ZNF493: variants seen among roughly 807,000 people sequenced by gnomAD.
ZNF493 encodes the protein zinc finger protein 493.
In ZNF493, 11 loss-of-function variants were observed where a neutral mutation model predicts 12.2. The ratio of observed to expected loss-of-function variants is 0.90; its 90% CI spans 0.57 to 1.50. The LOEUF (loss-of-function observed/expected upper bound fraction) is 1.50. Among genes scored for constraint, ZNF493 ranks in the 40% most tolerant of loss-of-function variants. The pLI is 0.00. For missense variants in ZNF493, 950 were observed against 906.6 expected (o/e 1.05, Z -0.61); for synonymous variants, 286 against 302.6 (o/e 0.95, Z 0.57).
chr19:21,422,334 C>T lies in ZNF493; in HGVS notation c.254-579C>T, dbSNP rs554492537. Among the ~76,000 whole-genome samples, 106 of 151,154 alleles carry T rather than the reference C, an allele frequency of 7.0e-4. 4 individuals are homozygous for T. The South Asian group carries it at 0.022, about 31-fold the overall frequency. ...AGACAGAAGCCAGTGTGTGGAAAGG[C>T]CTGGACAAGCAAGTAATAAAGAAAT... is the stretch of plus-strand genomic sequence containing the variant. On this transcript the variant is annotated intron_variant, in intron 3 of 3. Coordinates refer to ENST00000392288, the MANE Select transcript of ZNF493 (RefSeq NM_001076678.3).
chr19:21,424,743 A>T lies in ZNF493; in HGVS notation c.2084A>T (p.Tyr695Phe). The T allele has an allele frequency of 6.2e-7, 1 of 1,612,974 alleles. No individual in the cohort carries two copies. Among genetic ancestry groups the T allele is most frequent in the Non-Finnish European group, 8.5e-7 (1 of 1,179,502 alleles). Residue 695 changes from tyrosine to phenylalanine, a missense_variant, in exon 4 of 4, where the codon TAC becomes TTC. Coordinates refer to ENST00000392288, the MANE Select transcript of ZNF493 (RefSeq NM_001076678.3). Reference sequence around the variant, plus strand: ...TGTGAAAAATGTGGCAAAACTTTCTACCGATTCTCAAACCTTAATACGCAT... The same window carrying T: ...TGTGAAAAATGTGGCAAAACTTTCTTCCGATTCTCAAACCTTAATACGCAT... ...YKCEKCGKTF[Y>F]RFSNLNTHKI...
rs776335673 is a variant in ZNF493, at chr19:21,423,827, T to C, written c.1168T>C (p.Ser390Pro). 6.2e-7 allele frequency: 1 copy of C among 1,613,332 alleles called. No homozygotes were observed. The highest frequency in any genetic ancestry group is 2.2e-5 in the East Asian group (1 of 44,768). Residue 390 changes from serine (S) to proline (P), a missense_variant, in exon 4 of 4, where the codon TCA (serine) becomes CCA (proline). Transcript: ENST00000392288. ...EECGKAFSIF[S>P]TLTKHKIIHT... ...ATGTGGCAAAGCCTTTAGTATTTTC[T>C]CAACCCTTACTAAACATAAGATAAT...
intron 3 of ZNF493, among the ~76,000 whole-genome samples, chr19:21,418,353 G>T (rs542625015): frequency 1.3e-5 from 2 of 152,238 alleles, no homozygotes; most frequent in South Asian, 4.2e-4. Context: ...TTCCAAGGTG[G>T]AATGAACCAC....
intron 3 of ZNF493, among the ~76,000 whole-genome samples, chr19:21,406,647 T>C (rs2030140959): frequency 6.6e-6 from 1 of 152,212 alleles, no homozygotes; most frequent in Non-Finnish European, 1.5e-5. Flanking sequence ...TTGGTTTTTA[T>C]GTTAATTTTC....
At chr19:21,412,718 G>A in intron 3 of ZNF493, 1 of 242,166 alleles carries the variant, frequency 4.1e-6, no homozygotes, top group Non-Finnish European at 8.2e-6. Flanking sequence ...TCTGTCTGCA[G>A]CTCCATTAAG....
At chr19:21,415,112 G>T (rs535939530) in intron 3 of ZNF493, among the ~76,000 whole-genome samples, 1 of 152,244 alleles carries the variant, frequency 6.6e-6, no homozygotes, top group South Asian at 2.1e-4. Flanking sequence ...GAATTAGTAT[G>T]TGGAAGAAAA....
chr19:21,412,928 G>T (rs749229690), intron 3 of ZNF493: 3 of 436,542 alleles, frequency 6.9e-6, no homozygotes, highest in Non-Finnish European at 1.4e-5. Context: ...ATCATTTGAG[G>T]TCGAGGTGCC....
intron 2 of ZNF493, 81 bp downstream of exon 2, chr19:21,405,336 T>G: frequency 1.3e-6 from 2 of 1,549,830 alleles, no homozygotes; most frequent in Non-Finnish European, 1.7e-6. Context: ...TTTTTGGTAA[T>G]TTATGCTTTG....
intron 3 of ZNF493, among the ~76,000 whole-genome samples, chr19:21,416,306 G>A (rs2030492791): frequency 6.6e-6 from 1 of 151,932 alleles, no homozygotes; most frequent in African/African-American, 2.4e-5. Context: ...GTTCTTTGAG[G>A]GCTATATAAT....
In ZNF493 at chr19:21,421,052, C is replaced by T. The variant is rs531690507; in HGVS notation, c.254-1861C>T. 1.2e-3 allele frequency among the ~76,000 whole-genome samples: 182 copies of T among 152,122 alleles called. 2 individuals carry two copies. Among genetic ancestry groups the T allele is most frequent in the South Asian group, 4.1e-3 (20 of 4,822 alleles). On this transcript the variant is annotated intron_variant, in intron 3 of 3. Coordinates refer to ENST00000392288, the MANE Select transcript of ZNF493 (RefSeq NM_001076678.3). The stretch of plus-strand genomic sequence containing the variant: ...CATGAGCTGCTGCACCCAGCCAACA[C>T]ATCACTTTTATGTTGCAGCTCCCAA...
chr19:21,416,920 T>C (rs891307731), intron 3 of ZNF493, among the ~76,000 whole-genome samples: 6 of 152,186 alleles, frequency 3.9e-5, no homozygotes, highest in African/African-American at 1.4e-4. Context: ...CAGACTGCTG[T>C]TGGGAACTTT....
chr19:21,406,328 A>G (rs2030125768), intron 3 of ZNF493, among the ~76,000 whole-genome samples: 1 of 151,990 alleles, frequency 6.6e-6, no homozygotes, highest in Admixed American at 6.6e-5. Flanking sequence ...GTTTCTCGGA[A>G]GCCTTTGGCA....
chr19:21,402,866 C>A (rs947486233), intron 1 of ZNF493, among the ~76,000 whole-genome samples: 5 of 152,194 alleles, frequency 3.3e-5, no homozygotes, highest in African/African-American at 1.2e-4. Flanking sequence ...CACAACTATA[C>A]CTACCTGTAA....
rs191854891 is a variant in ZNF493 at position 21,426,271 on chromosome 19, G to A, written c.*1287G>A. ...TTCATATTGGAAAAATTTCCTACAA[G>A]TAAGAACAATGTGGCAAAGTTTTTA... is the stretch of plus-strand genomic sequence containing the variant. On this transcript the variant is annotated 3_prime_UTR_variant, in exon 4 of 4. Coordinates refer to ENST00000392288, the MANE Select transcript of ZNF493 (RefSeq NM_001076678.3). The A allele has an allele frequency of 2.8e-4, 53 of 188,222 alleles. No homozygotes were observed. Among genetic ancestry groups the A allele is most frequent in the Admixed American group, 1.6e-3 (28 of 17,628 alleles). The allele number at this position is 188,222 out of a possible 1,614,324, so 11.7% of individuals were successfully genotyped here.
chr19:21,408,883 T>TTC (rs200000098), intron 3 of ZNF493: 21,494 of 449,380 alleles, frequency 0.048, 14 homozygotes, highest in Middle Eastern at 0.072. Flanking sequence ...CTTTCTTTCT[T>TTC]TTTTTTTTTT....
intron 3 of ZNF493, among the ~76,000 whole-genome samples, chr19:21,415,641 CTG>C (rs963964628): frequency 8.5e-5 from 13 of 152,260 alleles, no homozygotes; most frequent in African/African-American, 1.9e-4. Flanking sequence ...TAATGTAACA[CTG>C]TGAAAATATT....
At chr19:21,416,839 T>TAAAAGG (rs1296485335) in intron 3 of ZNF493, among the ~76,000 whole-genome samples, 1 of 152,222 alleles carries the variant, frequency 6.6e-6, no homozygotes, top group Non-Finnish European at 1.5e-5. Flanking sequence ...CTGTATATAT[T>TAAAAGG]TGTACCCCTT....
At chr19:21,412,857 C>A in intron 3 of ZNF493, 1 of 347,710 alleles carries the variant, frequency 2.9e-6, no homozygotes, top group Non-Finnish European at 5.5e-6. Flanking sequence ...AAATTTTGAT[C>A]TTATTAAGAA....
chr19:21,401,397 T>C (rs571122792), intron 1 of ZNF493, among the ~76,000 whole-genome samples: 1 of 152,278 alleles, frequency 6.6e-6, no homozygotes, highest in South Asian at 2.1e-4. Flanking sequence ...ATTAAAAATA[T>C]TGGCCTCAAG....
Sources: gnomAD v4.1 joint callset for allele counts (sites outside exome capture counted in the v4.1 genomes callset) on GRCh38, gnomAD v4.1.1 for gene constraint, MANE v1.5 for transcripts, NCBI Gene and HGNC (gene_info 2026-07-23, HGNC 2026-07-21) for gene names.